The following OPRM1 variants were observed in gnomAD, a reference collection of about 807,000 sequenced individuals.
OPRM1 encodes opioid receptor mu 1.
In OPRM1, 27 loss-of-function variants were observed where a neutral mutation model predicts 31.8. The ratio of observed to expected loss-of-function variants is 0.85; its 90% confidence interval spans 0.63 to 1.17. The LOEUF (loss-of-function observed/expected upper bound fraction) is 1.17. Ranked by LOEUF, OPRM1 falls within the 50% of genes most tolerant of loss-of-function variation. OPRM1 has a pLI of 0.00. For synonymous variants in OPRM1, 196 were observed against 189.9 expected (o/e 1.03, Z -0.26); for missense variants, 536 against 511.1 (o/e 1.05, Z -0.47).
intron 1 of OPRM1, among the ~76,000 whole-genome samples, chr6:154,053,112 GAGTA>G (rs1277821988): frequency 6.6e-6 from 1 of 152,200 alleles, no homozygotes; most frequent in South Asian, 2.1e-4. Context: ...AGTGATTAAG[GAGTA>G]AGTGCTTAGA....
chr6:154,106,179 T>C (rs1043728830), intron 3 of OPRM1, among the ~76,000 whole-genome samples: 1 of 152,242 alleles, frequency 6.6e-6, no homozygotes, highest in African/African-American at 2.4e-5. Flanking sequence ...AAAATTCACA[T>C]TCTTATGACT....
At chr6:154,209,010 T>A (rs1211812565) in intron 3 of OPRM1, among the ~76,000 whole-genome samples, 2 of 152,330 alleles carry the variant, frequency 1.3e-5, no homozygotes, top group East Asian at 3.9e-4. Context: ...AACCTCTTCT[T>A]CACTGAAGGA....
chr6:154,020,892 T>C (rs1480131922), intron 1 of OPRM1, among the ~76,000 whole-genome samples: 1 of 152,168 alleles, frequency 6.6e-6, no homozygotes, highest in Admixed American at 6.5e-5. Flanking sequence ...TTTGCAAATG[T>C]TTTCTCCCAG....
chr6:154,182,978 TTTTTTTTTTC>T (rs200357828), intron 3 of OPRM1, among the ~76,000 whole-genome samples: 8,902 of 131,982 alleles, frequency 0.067, 306 homozygotes, highest in African/African-American at 0.12. Flanking sequence ...TGCCCTTATC[TTTTTTTTTTC>T]TTTTTTTTTG....
chr6:154,118,709 T>C lies in OPRM1; in HGVS notation c.1191T>C (p.Ala397=). The C allele has an allele frequency of 6.2e-7, 1 of 1,613,278 alleles. No homozygotes were observed. Among genetic ancestry groups the C allele is most frequent in the Non-Finnish European group, 8.5e-7 (1 of 1,179,546 alleles). The change falls in exon 4 of 4, where the codon GCT becomes GCC. Residue 397 remains alanine (A), a synonymous_variant. Transcript: ENST00000330432. ...TAGAAAATCTGGAAGCAGAAACTGC[T>C]CCGTTGCCCTAACAGGGTCTCATGC... The part of the protein sequence containing the change: ...HQLENLEAET[A]PLP
At chr6:154,107,365 C>T in intron 3 of OPRM1, 1 of 662,836 alleles carries the variant, frequency 1.5e-6, no homozygotes, top group Non-Finnish European at 2.7e-6. Flanking sequence ...AAGGCAACCT[C>T]CTTGGTGCTT....
chr6:154,064,205 A>G (rs1784925040), intron 1 of OPRM1, among the ~76,000 whole-genome samples: 2 of 152,216 alleles, frequency 1.3e-5, no homozygotes, highest in South Asian at 4.1e-4. Flanking sequence ...CTGTGGTTTA[A>G]TTTGCATTGT....
intron 3 of OPRM1, among the ~76,000 whole-genome samples, chr6:154,190,704 AC>A (rs1801797101): frequency 6.6e-6 from 1 of 152,210 alleles, no homozygotes; most frequent in African/African-American, 2.4e-5. Flanking sequence ...AATAATCTGC[AC>A]CCACATGTTG....
chr6:154,026,084 C>G (rs1390025241), intron 1 of OPRM1, among the ~76,000 whole-genome samples: 2 of 152,040 alleles, frequency 1.3e-5, no homozygotes, highest in African/African-American at 4.8e-5. Context: ...CCTTTTCTTA[C>G]TGATTGAAGT....
intron 3 of OPRM1, among the ~76,000 whole-genome samples, chr6:154,186,085 A>G (rs1801322709): frequency 6.6e-6 from 1 of 152,176 alleles, no homozygotes; most frequent in South Asian, 2.1e-4. Flanking sequence ...GGTGATCTCA[A>G]TTAGCCACAA....
At chr6:154,085,888 C>CTTGTTTTTT (rs1790423785) in intron 1 of OPRM1, among the ~76,000 whole-genome samples, 1 of 123,974 alleles carries the variant, frequency 8.1e-6, no homozygotes, top group African/African-American at 3.3e-5. Context: ...AAAGCTTGCC[C>CTTGTTTTTT]TTTTTTTTTT....
intron 3 of OPRM1, among the ~76,000 whole-genome samples, chr6:154,169,212 T>C (rs1293181794): frequency 6.6e-6 from 1 of 151,844 alleles, no homozygotes; most frequent in East Asian, 1.9e-4. Flanking sequence ...ATACAAAAAA[T>C]TAGCTGGGTG....
intron 3 of OPRM1, among the ~76,000 whole-genome samples, chr6:154,228,587 G>A (rs527238345): frequency 3.3e-5 from 5 of 152,244 alleles, no homozygotes; most frequent in African/African-American, 9.6e-5. Flanking sequence ...GGAGTGTCAC[G>A]TACAGTTGCT....
chr6:154,149,967 T>C (rs58227420), intron 3 of OPRM1, among the ~76,000 whole-genome samples: 3,406 of 152,344 alleles, frequency 0.022, 83 homozygotes, highest in African/African-American at 0.062. Flanking sequence ...ATGATGCTAA[T>C]AGCCCCCTCA....
chr6:154,221,414 T>TTACAAAGC, intron 3 of OPRM1: 1 of 989,700 alleles, frequency 1.0e-6, no homozygotes, highest in Non-Finnish European at 1.5e-6. Flanking sequence ...AAATACAAGC[T>TTACAAAGC]TTGTAAACTT....
chr6:154,100,039 TATGATATATATCATATGATATATATC>T (rs1438882415), intron 3 of OPRM1, among the ~76,000 whole-genome samples: 32 of 85,000 alleles, frequency 3.8e-4, no homozygotes, highest in Admixed American at 2.2e-3. Flanking sequence ...TATATTATCA[TATGATATATATCATATGATATATATC>T]ATGATATATA....
At chr6:154,209,797 G>A (rs1777818273) in intron 3 of OPRM1, among the ~76,000 whole-genome samples, 1 of 152,072 alleles carries the variant, frequency 6.6e-6, no homozygotes, top group Non-Finnish European at 1.5e-5. Flanking sequence ...ATGTGATCAG[G>A]AGGAACACAT....
chr6:154,213,722 G>A (rs1778150269), intron 3 of OPRM1, among the ~76,000 whole-genome samples: 1 of 152,134 alleles, frequency 6.6e-6, no homozygotes, highest in Non-Finnish European at 1.5e-5. Context: ...GACTCCTGTA[G>A]CTTTTGAACC....
At chr6:154,027,215 A>G (rs1412878916) in intron 1 of OPRM1, among the ~76,000 whole-genome samples, 1 of 152,220 alleles carries the variant, frequency 6.6e-6, no homozygotes, top group African/African-American at 2.4e-5. Context: ...TCATTGAGGG[A>G]CCACTTTGAT....
Sources: gnomAD v4.1 joint callset for allele counts (sites outside exome capture counted in the v4.1 genomes callset) on GRCh38, gnomAD v4.1.1 for gene constraint, MANE v1.5 for transcripts, NCBI Gene and HGNC (gene_info 2026-07-23, HGNC 2026-07-21) for gene names.